Variants in HCRTR2 observed in about 807,000 individuals in gnomAD.
The protein encoded by HCRTR2 is orexin receptor type 2.
In HCRTR2, 22 loss-of-function variants were observed where a neutral mutation model predicts 49.0. The ratio of observed to expected loss-of-function variants is 0.45; its 90% CI spans 0.32 to 0.64. HCRTR2 has a LOEUF of 0.64. Among genes scored for constraint, HCRTR2 ranks in the 30% least tolerant of loss-of-function variants. The pLI is 0.04. For synonymous variants in HCRTR2, 236 were observed against 205.3 expected, an observed-to-expected ratio of 1.15 and a Z score of -1.28; for missense variants, 491 against 559.4, an observed-to-expected ratio of 0.88 and a Z score of 1.23.
At chr6:55,205,756 T>A (rs1184815155) in intron 1 of HCRTR2, among the ~76,000 whole-genome samples, 3 of 152,140 alleles carry the variant, frequency 2.0e-5, no homozygotes, top group Non-Finnish European at 4.4e-5. Flanking sequence ...GTTAGTGTGT[T>A]TATTTTTTAG....
intron 1 of HCRTR2, among the ~76,000 whole-genome samples, chr6:55,127,029 C>T (rs912081904): frequency 2.0e-5 from 3 of 152,118 alleles, no homozygotes; most frequent in Non-Finnish European, 2.9e-5. Context: ...ACCCACCGAG[C>T]TGACCACTTG....
chr6:55,264,009 G>A (rs1225773802), intron 4 of HCRTR2, 187 bp downstream of exon 4: 1 of 574,302 alleles, frequency 1.7e-6, no homozygotes, highest in African/African-American at 1.9e-5. Flanking sequence ...AAAGTAATGA[G>A]AACCCAGACA....
At chr6:55,142,409 C>T (rs1297061811) in intron 1 of HCRTR2, among the ~76,000 whole-genome samples, 2 of 147,670 alleles carry the variant, frequency 1.4e-5, no homozygotes, top group East Asian at 2.0e-4. Flanking sequence ...GGGATTTCAA[C>T]GTGTTAGCCA....
At chr6:55,252,403 G>C (rs1468513575) in intron 2 of HCRTR2, among the ~76,000 whole-genome samples, 1 of 152,060 alleles carries the variant, frequency 6.6e-6, no homozygotes, top group Non-Finnish European at 1.5e-5. Flanking sequence ...TAAATTAATG[G>C]ATTATAAATT....
At chr6:55,172,691 A>C (rs1338498374), upstream of HCRTR2, among the ~76,000 whole-genome samples, 1 of 152,164 alleles carries the variant, frequency 6.6e-6, no homozygotes, top group African/African-American at 2.4e-5. Context: ...TAAATCATCT[A>C]ATTTCCCCAG....
chr6:55,176,070 G>A (rs1270019569), intron 1 of HCRTR2, among the ~76,000 whole-genome samples: 1 of 152,132 alleles, frequency 6.6e-6, no homozygotes, highest in East Asian at 1.9e-4. Flanking sequence ...GAAATTATCA[G>A]GCTTTCAGAC....
chr6:55,201,242 G>C (rs1346136126), intron 1 of HCRTR2, among the ~76,000 whole-genome samples: 1 of 151,932 alleles, frequency 6.6e-6, no homozygotes, highest in Non-Finnish European at 1.5e-5. Flanking sequence ...CTCTGCTTTA[G>C]GCAGAGAAGC....
chr6:55,131,127 T>C (rs578141771), intron 1 of HCRTR2, among the ~76,000 whole-genome samples: 2 of 151,978 alleles, frequency 1.3e-5, no homozygotes, highest in South Asian at 4.1e-4. Context: ...CTTAATAGCA[T>C]GTCAGCATTT....
chr6:55,149,197 A>G (rs1461167796), intron 1 of HCRTR2, among the ~76,000 whole-genome samples: 1 of 151,964 alleles, frequency 6.6e-6, no homozygotes, highest in Non-Finnish European at 1.5e-5. Flanking sequence ...TTTTTTTCTC[A>G]ACCAAATACA....
intron 1 of HCRTR2, among the ~76,000 whole-genome samples, chr6:55,115,134 T>G (rs905113944): frequency 1.3e-4 from 19 of 151,816 alleles, no homozygotes; most frequent in African/African-American, 4.6e-4. Context: ...GTTTATTACC[T>G]TATCTCTTCT....
At chr6:55,189,194 CA>C (rs1469883440) in intron 1 of HCRTR2, among the ~76,000 whole-genome samples, 3 of 152,078 alleles carry the variant, frequency 2.0e-5, no homozygotes, top group Non-Finnish European at 4.4e-5. Context: ...ACATGTTTTG[CA>C]ATCTCTGGAG....
chr6:55,251,716 C>G (rs1766553910), intron 2 of HCRTR2, among the ~76,000 whole-genome samples: 1 of 152,024 alleles, frequency 6.6e-6, no homozygotes, highest in African/African-American at 2.4e-5. Flanking sequence ...TATAGTGAAT[C>G]TTTAAGATAC....
chr6:55,266,790 TAA>T (rs1464093712), intron 4 of HCRTR2, among the ~76,000 whole-genome samples: 3 of 152,152 alleles, frequency 2.0e-5, no homozygotes, highest in Admixed American at 1.3e-4. Context: ...GAAAATGTTT[TAA>T]AAAGTTTGTT....
chr6:55,190,339 C>G lies in HCRTR2; in HGVS notation c.223+15529C>G, dbSNP rs145371262. ...ATGGGTATAAGAGAAAGAGAGGAGT[C>G]CACACTTTCATGCCAGGTAGGTTGA... On this transcript the variant is annotated intron_variant, in intron 1 of 6. Coordinates refer to ENST00000370862, the MANE Select transcript of HCRTR2 (RefSeq NM_001384272.1). Among the ~76,000 whole-genome samples, 1,208 of 152,206 alleles carry G rather than the reference C, an allele frequency of 7.9e-3. 5 individuals carry two copies. The highest frequency in any genetic ancestry group is 0.013 in the Non-Finnish European group (898 of 68,004).
downstream of HCRTR2, chr6:55,282,725 G>A (rs989396100): frequency 2.4e-6 from 1 of 414,588 alleles, no homozygotes; most frequent in Admixed American, 4.2e-5. Flanking sequence ...TCAATTAAAT[G>A]TTTAAACATT....
At chr6:55,137,648 T>A (rs1764450618) in intron 1 of HCRTR2, among the ~76,000 whole-genome samples, 1 of 152,104 alleles carries the variant, frequency 6.6e-6, no homozygotes, top group Non-Finnish European at 1.5e-5. Context: ...GACAGTGTGA[T>A]TTAGTGGAAA....
intron 4 of HCRTR2, among the ~76,000 whole-genome samples, chr6:55,277,144 A>G (rs1033280746): frequency 6.6e-6 from 1 of 152,120 alleles, no homozygotes; most frequent in Non-Finnish European, 1.5e-5. Context: ...TTCTTTAGAC[A>G]TTGACAAAAT....
At chr6:55,121,647 C>T (rs575856342) in intron 1 of HCRTR2, among the ~76,000 whole-genome samples, 11 of 152,036 alleles carry the variant, frequency 7.2e-5, no homozygotes, top group Non-Finnish European at 1.6e-4. Flanking sequence ...CAATACCTAA[C>T]TTATTGAGAA....
At chr6:55,239,189 T>C (rs1354743380) in intron 1 of HCRTR2, among the ~76,000 whole-genome samples, 2 of 152,152 alleles carry the variant, frequency 1.3e-5, no homozygotes, top group Admixed American at 6.6e-5. Flanking sequence ...ACACTAAGAC[T>C]ATGGAACCTT....
Sources: allele counts gnomAD v4.1 joint callset (sites outside exome capture counted in the v4.1 genomes callset), GRCh38; gene constraint gnomAD v4.1.1; transcripts MANE v1.5; gene names NCBI Gene and HGNC (gene_info 2026-07-23, HGNC 2026-07-21).